DSCAM: variants seen among roughly 807,000 people sequenced by gnomAD.
The protein encoded by DSCAM is cell adhesion molecule DSCAM.
DSCAM carries 47 observed loss-of-function variants against 217.7 expected under a neutral mutation model. The observed-to-expected ratio is 0.22, with a 90% CI of 0.17 to 0.28. The LOEUF is 0.28. Ranked by LOEUF, DSCAM falls within the 10% of genes least tolerant of loss-of-function variation. The pLI, the probability that DSCAM is intolerant of heterozygous loss-of-function variation, is 1.00. For synonymous variants in DSCAM, 1,056 were observed against 1,015.3 expected (o/e 1.04, Z -0.76); for missense variants, 2,080 against 2,618.3 (o/e 0.79, Z 4.49).
intron 3 of DSCAM, among the ~76,000 whole-genome samples, chr21:40,413,271 C>A (rs979880282): frequency 2.0e-5 from 3 of 152,186 alleles, no homozygotes; most frequent in African/African-American, 7.2e-5. Context: ...GTCCTCCAGA[C>A]CCCAGAAAGG....
chr21:40,157,896 G>GT (rs2090496945), intron 16 of DSCAM, among the ~76,000 whole-genome samples: 1 of 151,772 alleles, frequency 6.6e-6, no homozygotes, highest in Non-Finnish European at 1.5e-5. Context: ...GTCTCACTAT[G>GT]TTGCCCAGGC....
chr21:40,186,343 T>C (rs952002004), intron 14 of DSCAM, among the ~76,000 whole-genome samples: 1 of 152,200 alleles, frequency 6.6e-6, no homozygotes. Flanking sequence ...AAAATAAAGC[T>C]GCTTTTGCGG....
chr21:40,137,973 A>G (rs76168251), intron 18 of DSCAM, among the ~76,000 whole-genome samples: 1 of 152,228 alleles, frequency 6.6e-6, no homozygotes, highest in African/African-American at 2.4e-5. Context: ...TAACTTTTCA[A>G]AGGATACAAC....
chr21:40,312,593 T>C (rs1239613884), intron 8 of DSCAM, among the ~76,000 whole-genome samples: 1 of 152,252 alleles, frequency 6.6e-6, no homozygotes, highest in African/African-American at 2.4e-5. Context: ...CAACAAACTT[T>C]AATTTAAAAA....
intron 2 of DSCAM, among the ~76,000 whole-genome samples, chr21:40,694,304 A>T (rs2090573125): frequency 6.6e-6 from 1 of 152,228 alleles, no homozygotes; most frequent in South Asian, 2.1e-4. Flanking sequence ...CTTATTGTCT[A>T]ATCATCTAAC....
chr21:40,364,459 A>G (rs1422982820), intron 4 of DSCAM, among the ~76,000 whole-genome samples: 1 of 145,616 alleles, frequency 6.9e-6, no homozygotes, highest in Non-Finnish European at 1.5e-5. Flanking sequence ...GTTCTCACTC[A>G]TAGGTGGGAA....
intron 1 of DSCAM, among the ~76,000 whole-genome samples, chr21:40,746,365 C>T (rs1189943979): frequency 1.3e-5 from 1 of 76,276 alleles, no homozygotes; most frequent in African/African-American, 5.8e-5. Context: ...ATATTCCAAA[C>T]AAATTGAAGC....
chr21:40,161,561 G>A (rs949691373), intron 16 of DSCAM, among the ~76,000 whole-genome samples: 2 of 152,106 alleles, frequency 1.3e-5, no homozygotes, highest in African/African-American at 2.4e-5. Context: ...CAACCCTCAC[G>A]GAACCTAGAG....
At chr21:40,629,963 T>C (rs994106231) in intron 3 of DSCAM, among the ~76,000 whole-genome samples, 2 of 152,186 alleles carry the variant, frequency 1.3e-5, no homozygotes. Flanking sequence ...ATAGACAACA[T>C]AGAGATGTTA....
At chr21:40,253,815 T>C (rs1569025140) in intron 11 of DSCAM, among the ~76,000 whole-genome samples, 1 of 152,250 alleles carries the variant, frequency 6.6e-6, no homozygotes, top group African/African-American at 2.4e-5. Flanking sequence ...TTGCCACATG[T>C]ACCTGTGCAT....
At chr21:40,542,579 C>G (rs1227261462) in intron 3 of DSCAM, among the ~76,000 whole-genome samples, 1 of 152,220 alleles carries the variant, frequency 6.6e-6, no homozygotes, top group Admixed American at 6.5e-5. Flanking sequence ...CAGCTCTGCT[C>G]TCTGCCATCT....
At chr21:40,657,011 T>C (rs1397576386) in intron 3 of DSCAM, among the ~76,000 whole-genome samples, 1 of 152,254 alleles carries the variant, frequency 6.6e-6, no homozygotes. Context: ...ATCAAAAATA[T>C]TTTTTAAAAA....
At chr21:40,517,024 C>T (rs535949512) in intron 3 of DSCAM, among the ~76,000 whole-genome samples, 8 of 146,226 alleles carry the variant, frequency 5.5e-5, no homozygotes, top group South Asian at 4.2e-4. Context: ...TACATACTAA[C>T]ATATGTATAT....
intron 1 of DSCAM, among the ~76,000 whole-genome samples, chr21:40,836,425 T>G (rs2092057132): frequency 6.6e-6 from 1 of 152,194 alleles, no homozygotes; most frequent in South Asian, 2.1e-4. Context: ...ACATTGGGAG[T>G]GCCTCTGGCA....
At chr21:40,428,373 C>A (rs563794033) in intron 3 of DSCAM, among the ~76,000 whole-genome samples, 1 of 151,608 alleles carries the variant, frequency 6.6e-6, no homozygotes, top group Non-Finnish European at 1.5e-5. Context: ...CGGGTCCAAG[C>A]AATTCTCCTG....
chr21:40,345,249 C>T (rs191003444), intron 6 of DSCAM, among the ~76,000 whole-genome samples: 30 of 152,226 alleles, frequency 2.0e-4, no homozygotes, highest in African/African-American at 5.3e-4. Context: ...TTGTTTCTAT[C>T]GTTTGCTTTG....
In DSCAM at chr21:40,016,973, G is replaced by A. The variant is rs1369068207; in HGVS notation, c.5687-3587C>T. On this transcript the variant is annotated intron_variant, in intron 32 of 32. Transcript: ENST00000400454. This position sits in a 1 kb window ranked among gnomAD's most constrained non-coding sequence, Gnocchi z 4.3. ...TCTACTGAAAATAGAAAAATCAGCT[G>A]GACGTGGTGGTACACGCCTGTAATC... 6.6e-6 allele frequency among the ~76,000 whole-genome samples: 1 copy of A among 152,038 alleles called. No homozygotes were observed. Among genetic ancestry groups the A allele is most frequent in the African/African-American group, 2.4e-5 (1 of 41,398 alleles).
chr21:40,636,339 G>T (rs1194542432), intron 3 of DSCAM, among the ~76,000 whole-genome samples: 1 of 151,844 alleles, frequency 6.6e-6, no homozygotes, highest in African/African-American at 2.4e-5. Flanking sequence ...ATTTTCACCA[G>T]CTTATCTCAA....
At chr21:40,715,011 C>CACTT (rs1243197433) in intron 1 of DSCAM, among the ~76,000 whole-genome samples, 1 of 152,182 alleles carries the variant, frequency 6.6e-6, no homozygotes, top group African/African-American at 2.4e-5. Context: ...CTATCCTGAA[C>CACTT]ACTTGCTTCT....
Sources: allele counts gnomAD v4.1 joint callset (sites outside exome capture counted in the v4.1 genomes callset), GRCh38; gene constraint gnomAD v4.1.1; non-coding constraint Gnocchi (gnomAD v3.1); transcripts MANE v1.5; gene names NCBI Gene and HGNC (gene_info 2026-07-23, HGNC 2026-07-21).